The following EPHA3 variants were observed in gnomAD, a reference collection of about 807,000 sequenced individuals.
EPHA3 encodes the protein EPH receptor A3, also known as ephrin type-A receptor 3.
EPHA3 carries 42 observed loss-of-function variants against 107.1 expected under a neutral mutation model. The ratio of observed to expected loss-of-function variants is 0.39; its 90% CI spans 0.31 to 0.51. EPHA3 has a LOEUF of 0.51. Among genes scored for constraint, EPHA3 ranks in the 20% least tolerant of loss-of-function variants. The probability of loss-of-function intolerance (pLI) is 0.78; values close to 1 mark genes in which losing one functional copy is unlikely to be tolerated. For missense variants in EPHA3, 1,183 were observed against 1,211.2 expected, an observed-to-expected ratio of 0.98 and a Z score of 0.35; for synonymous variants, 461 against 424.8, an observed-to-expected ratio of 1.09 and a Z score of -1.05.
chr3:89,294,195 AT>A (rs567871143), intron 3 of EPHA3, among the ~76,000 whole-genome samples: 112 of 152,244 alleles, frequency 7.4e-4, no homozygotes, highest in African/African-American at 2.2e-3. Flanking sequence ...AACATTGTCT[AT>A]AATTTATTTT....
At position 89,435,592 on chromosome 3, in the gene EPHA3, A is replaced by G. The variant is rs1357456121; in HGVS notation, c.2346+4233A>G. ...TATATATAATTTTATATATAAATAC[A>G]TCTATATATATATAAATAAATTATA... On this transcript the variant is annotated intron_variant, in intron 13 of 16. Coordinates refer to ENST00000336596, the MANE Select transcript of EPHA3 (RefSeq NM_005233.6). Among the ~76,000 whole-genome samples the G allele has an allele frequency of 4.2e-5, 6 of 143,532 alleles. No homozygotes were observed. The East Asian group carries it at 1.2e-3, about 28-fold the overall frequency. The allele number at this position is 143,532 out of a possible 152,430, so 94.2% of individuals were successfully genotyped here.
At chr3:89,357,054 G>C (rs1707975381) in intron 5 of EPHA3, among the ~76,000 whole-genome samples, 1 of 127,564 alleles carries the variant, frequency 7.8e-6, no homozygotes, top group Non-Finnish European at 1.6e-5. Context: ...GTTGCAGTGA[G>C]CCGAGACTGC....
intron 15 of EPHA3, among the ~76,000 whole-genome samples, chr3:89,467,908 G>C (rs1487200058): frequency 6.6e-6 from 1 of 152,196 alleles, no homozygotes. Flanking sequence ...GTTTACAGCT[G>C]CATGGATTGA....
chr3:89,438,582 A>G (rs1709719930), intron 13 of EPHA3, among the ~76,000 whole-genome samples: 1 of 152,240 alleles, frequency 6.6e-6, no homozygotes, highest in Non-Finnish European at 1.5e-5. Flanking sequence ...AACCATGCTT[A>G]TCAAAATTGG....
chr3:89,226,834 C>T (rs1704513526), intron 3 of EPHA3, among the ~76,000 whole-genome samples: 1 of 152,046 alleles, frequency 6.6e-6, no homozygotes, highest in Admixed American at 6.6e-5. Context: ...TTGCAAATGT[C>T]ATGACGTTTG....
intron 3 of EPHA3, among the ~76,000 whole-genome samples, chr3:89,254,170 T>C (rs1705225578): frequency 6.6e-6 from 1 of 152,178 alleles, no homozygotes; most frequent in Non-Finnish European, 1.5e-5. Flanking sequence ...TTATACTTAG[T>C]AACAATATAA....
chr3:89,305,888 A>G (rs1269164865), intron 3 of EPHA3, among the ~76,000 whole-genome samples: 1 of 152,188 alleles, frequency 6.6e-6, no homozygotes, highest in Admixed American at 6.6e-5. Flanking sequence ...CAGCTTAAAT[A>G]TCATACCGAA....
At chr3:89,278,481 A>G (rs1301611000) in intron 3 of EPHA3, among the ~76,000 whole-genome samples, 1 of 152,150 alleles carries the variant, frequency 6.6e-6, no homozygotes, top group Non-Finnish European at 1.5e-5. Context: ...GTTGCTAAAC[A>G]ATCCAGTGTT....
chr3:89,191,329 C>T (rs1324873492), intron 2 of EPHA3, among the ~76,000 whole-genome samples: 3 of 150,572 alleles, frequency 2.0e-5, no homozygotes, highest in Non-Finnish European at 4.4e-5. Flanking sequence ...TTTTTTGAGA[C>T]GGAGTCTCTC....
At chr3:89,205,172 T>C (rs1469138956) in intron 2 of EPHA3, among the ~76,000 whole-genome samples, 1 of 152,166 alleles carries the variant, frequency 6.6e-6, no homozygotes, top group Non-Finnish European at 1.5e-5. Context: ...CTGTTTCTCT[T>C]AAAGGAAGTG....
At position 89,438,985 on chromosome 3, in the gene EPHA3, A is replaced by G. The variant is rs78923619; in HGVS notation, c.2346+7626A>G. Among the ~76,000 whole-genome samples, 41 of 152,340 alleles carry G rather than the reference A, an allele frequency of 2.7e-4. No homozygotes were observed. The East Asian group carries it at 7.9e-3, about 29-fold the overall frequency. ...GTTTATGTGGTGAAAAATTACAACT[A>G]TAATTGTGAAGTGGAACACAGGAGC... On this transcript the variant is annotated intron_variant, in intron 13 of 16. Transcript: ENST00000336596.
chr3:89,351,629 C>A (rs1334184083), intron 5 of EPHA3, among the ~76,000 whole-genome samples: 1 of 151,278 alleles, frequency 6.6e-6, no homozygotes, highest in Non-Finnish European at 1.5e-5. Flanking sequence ...ATTCGGCCAT[C>A]TTGGCTCCTC....
chr3:89,338,263 A>G (rs1225182702), intron 3 of EPHA3, among the ~76,000 whole-genome samples: 2 of 152,130 alleles, frequency 1.3e-5, no homozygotes, highest in African/African-American at 4.8e-5. Flanking sequence ...ATAAAATTCT[A>G]TGTAACAGTT....
In EPHA3 at chr3:89,215,783, T is replaced by C. The variant is rs115095606; in HGVS notation, c.814+5263T>C. 7.1e-3 allele frequency among the ~76,000 whole-genome samples: 1,085 copies of C among 151,938 alleles called. 17 individuals are homozygous for C. The highest frequency in any genetic ancestry group is 0.025 in the African/African-American group (1,021 of 41,534). On this transcript the variant is annotated intron_variant, in intron 3 of 16. Transcript: ENST00000336596. ...TGTTTTACCTTATGTGGGTTAACTT[T>C]AGTAATATAATCTCACCAATTCTGT...
chr3:89,458,613 T>G (rs376453529), intron 15 of EPHA3, among the ~76,000 whole-genome samples: 1 of 152,156 alleles, frequency 6.6e-6, no homozygotes, highest in Non-Finnish European at 1.5e-5. Flanking sequence ...TCTATAATGG[T>G]TGAACTAATT....
At chr3:89,468,137 C>T (rs1203365360) in intron 15 of EPHA3, among the ~76,000 whole-genome samples, 1 of 152,192 alleles carries the variant, frequency 6.6e-6, no homozygotes, top group Admixed American at 6.5e-5. Context: ...TCCAGATGTC[C>T]TCTCTGAGGA....
chr3:89,412,009 T>C (rs947742447), intron 9 of EPHA3, among the ~76,000 whole-genome samples: 2 of 151,948 alleles, frequency 1.3e-5, no homozygotes, highest in African/African-American at 4.8e-5. Flanking sequence ...ATCCATATTC[T>C]GTGCTATGAA....
At chr3:89,322,170 G>T (rs756136958) in intron 3 of EPHA3, among the ~76,000 whole-genome samples, 1 of 151,720 alleles carries the variant, frequency 6.6e-6, no homozygotes, top group Non-Finnish European at 1.5e-5. Context: ...TATACTTATC[G>T]CATTCAAGAG....
intron 3 of EPHA3, among the ~76,000 whole-genome samples, chr3:89,243,103 C>T (rs1576259380): frequency 6.6e-6 from 1 of 152,012 alleles, no homozygotes; most frequent in Non-Finnish European, 1.5e-5. Flanking sequence ...TTTATGGCTG[C>T]ATAGTATTCC....
Sources: allele counts gnomAD v4.1 joint callset (sites outside exome capture counted in the v4.1 genomes callset), GRCh38; gene constraint gnomAD v4.1.1; transcripts MANE v1.5; gene names NCBI Gene and HGNC (gene_info 2026-07-23, HGNC 2026-07-21).